The following TOX2 variants were observed in gnomAD, a reference collection of about 807,000 sequenced individuals.
The protein encoded by TOX2 is TOX high mobility group box family member 2, also known as granulosa cell HMG box 1.
TOX2 carries 15 observed loss-of-function variants against 47.4 expected under a neutral mutation model. The observed-to-expected ratio is 0.32, with a 90% CI of 0.21 to 0.49. The LOEUF is 0.49. Among genes scored for constraint, TOX2 ranks in the 20% least tolerant of loss-of-function variants. The probability of loss-of-function intolerance (pLI) is 0.99; values close to 1 mark genes in which losing one functional copy is unlikely to be tolerated. For missense variants in TOX2, 622 were observed against 673.1 expected, an observed-to-expected ratio of 0.92 and a Z score of 0.84; for synonymous variants, 290 against 296.6, an observed-to-expected ratio of 0.98 and a Z score of 0.23.
In TOX2 at chr20:43,973,409, C is replaced by T. The variant is rs1248134443; in HGVS notation, c.142C>T (p.Pro48Ser). 2.5e-6 allele frequency: 4 copies of T among 1,613,984 alleles called. No individual in the cohort carries two copies. The highest frequency in any genetic ancestry group is 1.3e-5 in the African/African-American group (1 of 74,916). Residue 48 changes from proline (P) to serine (S), a missense_variant, in exon 2 of 9, where the codon CCA (proline) becomes TCA (serine). Physicochemically the swap from Pro to Ser is moderately conservative, Grantham distance 74 (BLOSUM62 -1). Coordinates refer to ENST00000341197, the MANE Select transcript of TOX2 (RefSeq NM_001098797.2). ...SAYVGMSDGNPELLSTSQTYN... is the reference protein window; with the variant it reads ...SAYVGMSDGNSELLSTSQTYN... ...CTACGTGGGGATGAGTGACGGAAAC[C>T]CAGAGCTCCTGTCAACCAGCCAGGT... is the stretch of plus-strand genomic sequence containing the variant.
intron 3 of TOX2, among the ~76,000 whole-genome samples, chr20:44,027,935 GGCTCATT>G (rs2071090788): frequency 6.6e-6 from 1 of 152,152 alleles, no homozygotes; most frequent in Non-Finnish European, 1.5e-5. Context: ...CAGCCCACCT[GGCTCATT>G]CCTCAACATG....
intron 5 of TOX2, among the ~76,000 whole-genome samples, chr20:44,056,378 C>T (rs957516820): frequency 6.6e-6 from 1 of 152,204 alleles, no homozygotes; most frequent in African/African-American, 2.4e-5. Context: ...TTGTGTGTTT[C>T]GTTGGCAACC....
At chr20:43,931,390 C>A (rs2069250907) in intron 1 of TOX2, among the ~76,000 whole-genome samples, 1 of 152,256 alleles carries the variant, frequency 6.6e-6, no homozygotes, top group Non-Finnish European at 1.5e-5. Flanking sequence ...CCACCTCGGC[C>A]TCCCAAGTAG....
chr20:44,053,662 T>TCCAAACTTGGAAATAGGCCC (rs1448958479), intron 4 of TOX2, among the ~76,000 whole-genome samples: 4 of 150,984 alleles, frequency 2.6e-5, no homozygotes, highest in Non-Finnish European at 4.4e-5. Flanking sequence ...GCACACACAC[T>TCCAAACTTGGAAATAGGCCC]CCAAACTTGG....
chr20:44,014,679 C>A (rs1048735933), intron 3 of TOX2, among the ~76,000 whole-genome samples: 3 of 152,122 alleles, frequency 2.0e-5, no homozygotes, highest in African/African-American at 7.2e-5. Context: ...AAAGAGTCAG[C>A]GATCCGATGC....
At chr20:44,049,050 G>A (rs2071463752) in intron 3 of TOX2, among the ~76,000 whole-genome samples, 2 of 152,260 alleles carry the variant, frequency 1.3e-5, no homozygotes, top group South Asian at 2.1e-4. Flanking sequence ...AGAGGTTGCA[G>A]TGAGCCAAGA....
chr20:44,021,043 G>A (rs968070941), intron 3 of TOX2, among the ~76,000 whole-genome samples: 18 of 151,956 alleles, frequency 1.2e-4, no homozygotes, highest in Admixed American at 1.1e-3. Context: ...TTCCTGAATC[G>A]CACGACGCCT....
In TOX2 at chr20:43,973,360, A is replaced by G. The variant is rs759080112; in HGVS notation, c.100-7A>G. On this transcript the variant is annotated splice_polypyrimidine_tract_variant and splice_region_variant and intron_variant, in intron 1 of 8. Transcript: ENST00000341197. ...CAGAGCTGCTTCTCCCTCTCTCTCT[A>G]TTCTAGTTTGATGGTGACAGTGCCT... 34 of 1,613,610 alleles carry G rather than the reference A, an allele frequency of 2.1e-5. No homozygotes were observed. The highest frequency in any genetic ancestry group is 2.9e-5 in the Non-Finnish European group (34 of 1,179,864).
intron 2 of TOX2, among the ~76,000 whole-genome samples, chr20:44,004,648 G>A (rs1386043657): frequency 6.6e-6 from 1 of 152,322 alleles, no homozygotes; most frequent in Admixed American, 6.5e-5. Context: ...GGTATCTTGT[G>A]CTTTCTGCTG....
intron 1 of TOX2, among the ~76,000 whole-genome samples, chr20:43,947,148 G>C (rs1239280814): frequency 6.6e-6 from 1 of 152,208 alleles, no homozygotes; most frequent in South Asian, 2.1e-4. Flanking sequence ...TAGCTATTGA[G>C]CACCTACTGT....
intron 8 of TOX2, among the ~76,000 whole-genome samples, chr20:44,067,136 A>G (rs1225744751): frequency 6.6e-6 from 1 of 152,136 alleles, no homozygotes; most frequent in African/African-American, 2.4e-5. Flanking sequence ...CTTCCACGTG[A>G]CATTCACAGA....
intron 2 of TOX2, among the ~76,000 whole-genome samples, chr20:43,976,891 T>G (rs1184496687): frequency 6.6e-6 from 1 of 152,170 alleles, no homozygotes; most frequent in Non-Finnish European, 1.5e-5. Flanking sequence ...GATTAAGGAT[T>G]GACATCAACA....
chr20:43,994,403 G>A (rs2070428701), intron 2 of TOX2, among the ~76,000 whole-genome samples: 1 of 145,314 alleles, frequency 6.9e-6, no homozygotes. Flanking sequence ...AGGCTGCAGT[G>A]AGCCAAGATC....
chr20:43,990,234 A>G (rs1489622162), intron 2 of TOX2, among the ~76,000 whole-genome samples: 1 of 152,256 alleles, frequency 6.6e-6, no homozygotes, highest in Non-Finnish European at 1.5e-5. Flanking sequence ...GAAAAAAGCT[A>G]TAGAAAAGCA....
At chr20:43,980,614 T>G (rs2070153642) in intron 2 of TOX2, among the ~76,000 whole-genome samples, 1 of 152,182 alleles carries the variant, frequency 6.6e-6, no homozygotes, top group Non-Finnish European at 1.5e-5. Context: ...TCTCATGTAC[T>G]CTATAAATAT....
chr20:43,934,085 G>A (rs2069290805), intron 1 of TOX2, among the ~76,000 whole-genome samples: 1 of 151,568 alleles, frequency 6.6e-6, no homozygotes, highest in African/African-American at 2.4e-5. Flanking sequence ...GTGGGGATGG[G>A]GGGAGGGTCT....
At chr20:43,973,014 T>G (rs2070004033) in intron 1 of TOX2, among the ~76,000 whole-genome samples, 1 of 152,230 alleles carries the variant, frequency 6.6e-6, no homozygotes, top group South Asian at 2.1e-4. Context: ...GATATAATTT[T>G]GATCAAGGGA....
Position 43,915,135 on chromosome 20 carries a change from C to A in TOX2, c.99+145C>A. On this transcript the variant is annotated intron_variant, in intron 1 of 8. Transcript: ENST00000341197. This position sits in a 1 kb window ranked among gnomAD's most constrained non-coding sequence, Gnocchi z 7.1. ...GCGGCTCACATCGATCCCCTCGCGGCCACGCTCACGCCCTGAGTTGTTGGG... is the reference window on the plus strand; with the variant it reads ...GCGGCTCACATCGATCCCCTCGCGGACACGCTCACGCCCTGAGTTGTTGGG... The A allele has an allele frequency of 2.6e-6, 1 of 380,696 alleles. No individual in the cohort carries two copies. The highest frequency in any genetic ancestry group is 2.2e-5 in the African/African-American group (1 of 45,836). The allele number at this position is 380,696 out of a possible 1,614,324, so 23.6% of individuals were successfully genotyped here. A position where few individuals can be genotyped will look rare whatever the true frequency, so the allele number is the denominator to read the frequency against.
intron 3 of TOX2, among the ~76,000 whole-genome samples, chr20:44,014,928 G>A (rs1390881195): frequency 2.0e-5 from 3 of 152,108 alleles, no homozygotes; most frequent in Non-Finnish European, 4.4e-5. Context: ...AGGGCTCAGA[G>A]CTTAAAAGCA....
Sources: gnomAD v4.1 joint callset for allele counts (sites outside exome capture counted in the v4.1 genomes callset) on GRCh38, gnomAD v4.1.1 for gene constraint, Gnocchi (gnomAD v3.1) non-coding constraint, MANE v1.5 for transcripts, NCBI Gene and HGNC (gene_info 2026-07-23, HGNC 2026-07-21) for gene names.